The following SYN1 variants were observed in gnomAD, a reference collection of about 807,000 sequenced individuals.
SYN1 encodes synapsin-1.
In SYN1, 8 loss-of-function variants were observed where a neutral mutation model predicts 44.6. That is an observed-to-expected ratio of 0.18 (90% CI 0.11 to 0.32). The LOEUF (loss-of-function observed/expected upper bound fraction) is 0.32, where lower values mean the gene tolerates loss of function less well. SYN1 is among the 10% of genes least tolerant of loss of function. The pLI is 1.00. For missense variants in SYN1, 451 were observed against 639.4 expected (o/e 0.71, Z 3.18); for synonymous variants, 275 against 280.1 (o/e 0.98, Z 0.18).
Position 47,574,336 on chromosome X carries a change from C to A in SYN1, c.1648G>T (p.Ala550Ser). ...PGAPPAARPP[A>S]SPSPQRQAGP... ...GCCTGGCGCTGGGGAGACGGAGAGG[C>A]GGGCGGGCGGGCTGCTGGAGGCGCC... The change falls in exon 12 of 13, where the codon GCC becomes TCC. Residue 550 changes from alanine to serine, a missense_variant. Ala to Ser is a moderately conservative substitution (Grantham distance 99). Coordinates refer to ENST00000295987, the MANE Select transcript of SYN1 (RefSeq NM_006950.3). The A allele has an allele frequency of 2.9e-6, 3 of 1,043,244 alleles. No individual in the cohort carries two copies. Among genetic ancestry groups the A allele is most frequent in the Admixed American group, 4.3e-5 (1 of 23,205 alleles). The allele number at this position is 1,043,244 out of a possible 1,213,427, so 86.0% of individuals were successfully genotyped here.
intron 1 of SYN1, among the ~76,000 whole-genome samples, chrX:47,615,905 G>A (rs756105576): frequency 6.6e-4 from 73 of 110,102 alleles, no homozygotes; most frequent in Non-Finnish European, 1.2e-3. Flanking sequence ...AAAAAAAAAA[G>A]AAAGAAAAAC....
rs762590212 is a variant in SYN1 at position 47,575,666 on chromosome X, A to C, written c.1159-392T>G. Among the ~76,000 whole-genome samples, 5 of 112,446 alleles carry C rather than the reference A, an allele frequency of 4.4e-5. No individual in the cohort carries two copies. In the East Asian group the frequency reaches 1.1e-3, roughly 25 times the overall value. On this transcript the variant is annotated intron_variant, in intron 9 of 12. Coordinates refer to ENST00000295987, the MANE Select transcript of SYN1 (RefSeq NM_006950.3). ...ACACAGCCACACTTATTTTTTTAAC[A>C]TATCGTCTATGGCTGCTTTTGCAGA...
At position 47,574,578 on chromosome X, in the gene SYN1, T is replaced by C; in HGVS notation, c.1406A>G (p.Gln469Arg). Residue 469 changes from glutamine (Q) to arginine (R), a missense_variant, in exon 12 of 13, where the codon CAG becomes CGG. Gln to Arg is a conservative substitution (Grantham distance 43). Transcript: ENST00000295987. Reference protein sequence around the residue: ...QRPPPQGGPPQPGPGPQRQGP... With the variant: ...QRPPPQGGPPRPGPGPQRQGP... ...CTGGCGCTGGGGGCCTGGACCCGGC[T>C]GTGGAGGGCCGCCTGGGGGACAGAG... The C allele has an allele frequency of 9.1e-7, 1 of 1,093,961 alleles. No individual in the cohort carries two copies. The allele number at this position is 1,093,961 out of a possible 1,213,427, so 90.2% of individuals were successfully genotyped here.
At chrX:47,588,757 T>A (rs1272551476) in intron 5 of SYN1, among the ~76,000 whole-genome samples, 1 of 111,646 alleles carries the variant, frequency 9.0e-6, no homozygotes, top group Non-Finnish European at 1.9e-5. Context: ...TGTGGGTGAA[T>A]CTCTGGGAGA....
chrX:47,601,893 A>G lies in SYN1; in HGVS notation c.774+3085T>C, dbSNP rs546234731. 1.2e-3 allele frequency among the ~76,000 whole-genome samples: 135 copies of G among 112,613 alleles called. 1 individual carries two copies. Among genetic ancestry groups the G allele is most frequent in the South Asian group, 5.5e-3 (15 of 2,740 alleles). On this transcript the variant is annotated intron_variant, in intron 5 of 12. Transcript: ENST00000295987. ...TCATAAACAAACTTATGAACGTATC[A>G]ACTTGCATGAAAATCAATTAATGTA...
Position 47,612,902 on chromosome X carries a change from G to A in SYN1, c.378-5704C>T, listed in dbSNP as rs764130834. Among the ~76,000 whole-genome samples, 181 of 111,275 alleles carry A rather than the reference G, an allele frequency of 1.6e-3. 1 individual carries two copies. The highest frequency in any genetic ancestry group is 5.9e-3 in the African/African-American group (179 of 30,596). Reference sequence around the variant, plus strand: ...AATCCCAGCACTTTGGGAGGCCGAGGTGGGCGGATTACCTGAGGTCAGGAG... The same window carrying A: ...AATCCCAGCACTTTGGGAGGCCGAGATGGGCGGATTACCTGAGGTCAGGAG... On this transcript the variant is annotated intron_variant, in intron 1 of 12. Coordinates refer to ENST00000295987, the MANE Select transcript of SYN1 (RefSeq NM_006950.3).
intron 1 of SYN1, among the ~76,000 whole-genome samples, chrX:47,613,280 G>A (rs1022097497): frequency 2.7e-5 from 3 of 111,250 alleles, no homozygotes; most frequent in African/African-American, 9.8e-5. Flanking sequence ...TGTCAGCCAG[G>A]CTCTAATCAG....
At chrX:47,595,999 T>G (rs1302272821) in intron 5 of SYN1, among the ~76,000 whole-genome samples, 3 of 112,568 alleles carry the variant, frequency 2.7e-5, no homozygotes, top group Non-Finnish European at 5.6e-5. Context: ...CTGTGGCATT[T>G]GAACTTCTCT....
intron 5 of SYN1, among the ~76,000 whole-genome samples, chrX:47,595,192 A>G (rs1378860036): frequency 1.8e-5 from 2 of 111,747 alleles, no homozygotes; most frequent in African/African-American, 3.3e-5. Flanking sequence ...TCTTTCCCAC[A>G]TGCTTCGTCC....
chrX:47,616,484 T>C (rs2057931755), intron 1 of SYN1, among the ~76,000 whole-genome samples: 1 of 111,760 alleles, frequency 8.9e-6, no homozygotes, highest in Non-Finnish European at 1.9e-5. Flanking sequence ...GCAAAGGACC[T>C]GCATGGAGGG....
chrX:47,578,325 C>T (rs1299589245), intron 5 of SYN1, among the ~76,000 whole-genome samples: 1 of 111,129 alleles, frequency 9.0e-6, no homozygotes, highest in Non-Finnish European at 1.9e-5. Flanking sequence ...ATACTCAACA[C>T]ACAGGCACAC....
At chrX:47,606,730 A>AATAT (rs1176440504) in intron 3 of SYN1, among the ~76,000 whole-genome samples, 28 of 99,347 alleles carry the variant, frequency 2.8e-4, no homozygotes, top group Middle Eastern at 5.1e-3. Context: ...CCCTGTCTGA[A>AATAT]ATATATATAT....
chrX:47,572,760 C>T lies in SYN1; in HGVS notation c.*104G>A, dbSNP rs1482095311. On this transcript the variant is annotated 3_prime_UTR_variant, in exon 13 of 13. Coordinates refer to ENST00000295987, the MANE Select transcript of SYN1 (RefSeq NM_006950.3). ...AATGAGAGGTGGAATCTTGGAGAAC[C>T]GGGAGATGGGTTCTCAAGGGATTTG... The T allele has an allele frequency of 1.5e-5, 17 of 1,123,270 alleles. No individual in the cohort carries two copies. Among genetic ancestry groups the T allele is most frequent in the Admixed American group, 4.5e-5 (2 of 44,287 alleles). The allele number at this position is 1,123,270 out of a possible 1,213,427, so 92.6% of individuals were successfully genotyped here. A position where few individuals can be genotyped will look rare whatever the true frequency, so the allele number is the denominator to read the frequency against.
intron 5 of SYN1, among the ~76,000 whole-genome samples, chrX:47,578,866 C>G (rs1034729579): frequency 6.3e-5 from 7 of 111,387 alleles, no homozygotes; most frequent in Non-Finnish European, 1.3e-4. Flanking sequence ...CTTAAGGCCT[C>G]CCTCTGCACA....
chrX:47,586,234 C>T (rs2057825678), intron 5 of SYN1: 1 of 749,959 alleles, frequency 1.3e-6, no homozygotes, highest in African/African-American at 2.5e-5. Context: ...TTACTACTGC[C>T]AGTTTTTCCC....
intron 5 of SYN1, chrX:47,582,392 C>G: frequency 4.8e-6 from 1 of 207,890 alleles, no homozygotes; most frequent in Non-Finnish European, 9.5e-6. Flanking sequence ...CTGCCACCCC[C>G]GCCCCTAGCG....
intron 5 of SYN1, among the ~76,000 whole-genome samples, chrX:47,593,414 G>A (rs757862951): frequency 1.4e-4 from 15 of 108,076 alleles, no homozygotes; most frequent in East Asian, 2.9e-4. Flanking sequence ...GACTACAGGC[G>A]CACACCACCA....
At chrX:47,603,509 G>C (rs6608734) in intron 5 of SYN1, among the ~76,000 whole-genome samples, 27,499 of 110,982 alleles carry the variant, frequency 0.25, 3,725 homozygotes, top group African/African-American at 0.53. Flanking sequence ...ATCATTTATA[G>C]TAATAAACTT....
At chrX:47,612,136 G>A (rs187464124) in intron 1 of SYN1, among the ~76,000 whole-genome samples, 35 of 111,556 alleles carry the variant, frequency 3.1e-4, no homozygotes, top group African/African-American at 1.1e-3. Flanking sequence ...CAGTAGTGGG[G>A]AAAGATGCAG....
Sources: gnomAD v4.1 joint callset for allele counts (sites outside exome capture counted in the v4.1 genomes callset) on GRCh38, gnomAD v4.1.1 for gene constraint, MANE v1.5 for transcripts, NCBI Gene and HGNC (gene_info 2026-07-23, HGNC 2026-07-21) for gene names.